The following HK1 variants were observed in gnomAD, a reference collection of about 807,000 sequenced individuals.
The protein encoded by HK1 is hexokinase 1.
Under a neutral mutation model 91.6 loss-of-function variants are expected in HK1, and 28 were observed. The ratio of observed to expected loss-of-function variants is 0.31; its 90% confidence interval spans 0.23 to 0.42. The LOEUF is 0.42. Among genes scored for constraint, HK1 ranks in the 10% least tolerant of loss-of-function variants. The probability of loss-of-function intolerance (pLI) is 1.00; values close to 1 mark genes in which losing one functional copy is unlikely to be tolerated. For synonymous variants in HK1, 430 were observed against 468.1 expected, an observed-to-expected ratio of 0.92 and a Z score of 1.05; for missense variants, 770 against 1,219.8, an observed-to-expected ratio of 0.63 and a Z score of 5.49.
At chr10:69,344,176 G>GATCC (rs1408479588) in intron 2 of HK1, among the ~76,000 whole-genome samples, 187 bp downstream of exon 2, 25 of 152,026 alleles carry the variant, frequency 1.6e-4, no homozygotes, top group Non-Finnish European at 7.4e-5. Flanking sequence ...TCCATCCGCT[G>GATCC]ATCCATCCAT....
At chr10:69,349,528 C>G (rs554724818) in intron 2 of HK1, among the ~76,000 whole-genome samples, 1 of 152,188 alleles carries the variant, frequency 6.6e-6, no homozygotes, top group Non-Finnish European at 1.5e-5. Flanking sequence ...CGAGCCCCTG[C>G]AGGAAGGATG....
chr10:69,292,199 T>C (rs1845324414), intron 3 of HK1: 1 of 266,580 alleles, frequency 3.8e-6, no homozygotes, highest in African/African-American at 2.3e-5. Context: ...GCCTCCCAAG[T>C]AGCTGGGACT....
rs1354359669 is a variant in HK1 at position 69,401,044 on chromosome 10, T to C, written c.2663T>C (p.Val888Ala). Reference sequence around the variant, plus strand: ...AAGGAACTGTCACCAAAATGTAACGTGTCCTTCCTCCTGTCTGAGGATGGC... The same window carrying C: ...AAGGAACTGTCACCAAAATGTAACGCGTCCTTCCTCCTGTCTGAGGATGGC... ...TVKELSPKCN[V>A]SFLLSEDGSG... is the part of the protein sequence containing the mutation. The change falls in exon 18 of 18, where the codon GTG (valine) becomes GCG (alanine). Residue 888 changes from valine (V) to alanine (A), a missense_variant. Coordinates refer to ENST00000359426, the MANE Select transcript of HK1 (RefSeq NM_000188.3). The C allele has an allele frequency of 1.2e-6, 2 of 1,614,096 alleles. No individual in the cohort carries two copies. The highest frequency in any genetic ancestry group is 1.7e-6 in the Non-Finnish European group (2 of 1,180,014).
intron 2 of HK1, among the ~76,000 whole-genome samples, chr10:69,355,723 T>G (rs1589531693): frequency 6.6e-6 from 1 of 151,216 alleles, no homozygotes; most frequent in African/African-American, 2.4e-5. Flanking sequence ...ACCCGGGAGG[T>G]GGAGGTTGCA....
chr10:69,287,806 T>C lies in HK1; in HGVS notation c.-214-865T>C, dbSNP rs993679934. Among the ~76,000 whole-genome samples, 88 of 152,180 alleles carry C rather than the reference T, an allele frequency of 5.8e-4. 1 individual carries two copies. The highest frequency in any genetic ancestry group is 1.9e-4 in the Non-Finnish European group (13 of 67,998). The stretch of plus-strand genomic sequence containing the variant: ...TCACATATAAATAATGTGTACATTA[T>C]AAAGAATAGCCTTAAAAAGTTATAG... On this transcript the variant is annotated intron_variant, in intron 2 of 21. Coordinates refer to the HK1 transcript ENST00000360289.
chr10:69,376,061 A>G (rs533002516), intron 7 of HK1, among the ~76,000 whole-genome samples: 1 of 152,124 alleles, frequency 6.6e-6, no homozygotes, highest in South Asian at 2.1e-4. Flanking sequence ...TTGGCCGGAG[A>G]AGGAGAAAAT....
At chr10:69,331,355 A>G (rs1404745583) in intron 1 of HK1, among the ~76,000 whole-genome samples, 1 of 152,232 alleles carries the variant, frequency 6.6e-6, no homozygotes, top group African/African-American at 2.4e-5. Context: ...CGTGTTCTAC[A>G]TTTCAGCGGC....
At chr10:69,347,504 C>T (rs1049812426) in intron 2 of HK1, among the ~76,000 whole-genome samples, 6 of 150,998 alleles carry the variant, frequency 4.0e-5, no homozygotes, top group African/African-American at 1.2e-4. Flanking sequence ...GGCATGATCT[C>T]GGCTCACTGC....
At chr10:69,318,692 G>T (rs1219829543), upstream of HK1, among the ~76,000 whole-genome samples, 1 of 152,132 alleles carries the variant, frequency 6.6e-6, no homozygotes, top group African/African-American at 2.4e-5. Context: ...GGACGCCACC[G>T]CCGGGCGTTG....
intron 1 of HK1, among the ~76,000 whole-genome samples, chr10:69,328,812 C>T (rs376098763): frequency 4.5e-4 from 68 of 152,274 alleles, no homozygotes; most frequent in African/African-American, 1.6e-3. Flanking sequence ...TCTTCCTCCA[C>T]CTAGCTTCTG....
At chr10:69,293,748 C>A (rs771567372) in intron 3 of HK1, among the ~76,000 whole-genome samples, 6 of 152,030 alleles carry the variant, frequency 3.9e-5, no homozygotes, top group Non-Finnish European at 8.8e-5. Flanking sequence ...GGGCCATGTG[C>A]CACACATGTT....
At chr10:69,278,597 C>A (rs941113347) in intron 1 of HK1, 1 of 152,158 alleles carries the variant, frequency 6.6e-6, no homozygotes, top group East Asian at 1.9e-4. Context: ...AACTGTTGGA[C>A]GGCGTCTGGA....
intron 1 of HK1, among the ~76,000 whole-genome samples, chr10:69,271,861 C>A (rs12243655): frequency 0.051 from 7,684 of 151,252 alleles, 636 homozygotes; most frequent in African/African-American, 0.18. Flanking sequence ...TCTGTGATTT[C>A]TCTTTTTTTT....
rs566766627 is a variant in HK1 at position 69,375,475 on chromosome 10, G to A, written c.876-1459G>A. Among the ~76,000 whole-genome samples, 6 of 152,268 alleles carry A rather than the reference G, an allele frequency of 3.9e-5. No individual in the cohort carries two copies. In the Middle Eastern group the frequency reaches 0.014, roughly 345 times the overall value. ...CTTAGAAGGGCACTGTCCTGCCAGG[G>A]ATCCTCTGCCTGGCTGCAGCCAGGC... is the stretch of plus-strand genomic sequence containing the variant. On this transcript the variant is annotated intron_variant, in intron 7 of 17. Coordinates refer to ENST00000359426, the MANE Select transcript of HK1 (RefSeq NM_000188.3).
chr10:69,339,581 T>C (rs1203747728), intron 1 of HK1, among the ~76,000 whole-genome samples: 2 of 152,226 alleles, frequency 1.3e-5, no homozygotes, highest in Non-Finnish European at 2.9e-5. Flanking sequence ...TGCAGCCTGC[T>C]TTTTGATTTG....
intron 5 of HK1, among the ~76,000 whole-genome samples, chr10:69,308,647 G>A (rs112972303): frequency 0.013 from 1,969 of 152,220 alleles, 37 homozygotes; most frequent in African/African-American, 0.045. Context: ...GCCTGGTTTC[G>A]GGTCTGGTTC....
In HK1 at chr10:69,392,708, C is replaced by CCTCA. The variant is rs1350262898; in HGVS notation, c.2219+402_2219+403insCACT. ...TTTCCTCCGTGAGCCTCCTGCACCA[C>CCTCA]CTAGTGGCCTTGTGGAGCTTTGCAG... On this transcript the variant is annotated intron_variant, in intron 15 of 17. Coordinates refer to ENST00000359426, the MANE Select transcript of HK1 (RefSeq NM_000188.3). 2.4e-3 allele frequency among the ~76,000 whole-genome samples: 366 copies of CCTCA among 152,314 alleles called. 5 individuals carry two copies. The highest frequency in any genetic ancestry group is 8.1e-3 in the African/African-American group (335 of 41,548).
chr10:69,395,640 T>C (rs566722842), intron 16 of HK1, among the ~76,000 whole-genome samples: 1 of 152,186 alleles, frequency 6.6e-6, no homozygotes, highest in Non-Finnish European at 1.5e-5. Flanking sequence ...GGGCATTATA[T>C]TGATTTATTT....
At chr10:69,322,041 C>T (rs1352464543) in intron 1 of HK1, among the ~76,000 whole-genome samples, 1 of 152,224 alleles carries the variant, frequency 6.6e-6, no homozygotes, top group African/African-American at 2.4e-5. Flanking sequence ...ACACGCATCT[C>T]ATCTCGCCAG....
Sources: allele counts gnomAD v4.1 joint callset (sites outside exome capture counted in the v4.1 genomes callset), GRCh38; gene constraint gnomAD v4.1.1; transcripts MANE v1.5; gene names NCBI Gene and HGNC (gene_info 2026-07-23, HGNC 2026-07-21).